The following SH3GL2 variants were observed in gnomAD, a reference collection of about 807,000 sequenced individuals.
SH3GL2 encodes the protein endophilin-A1.
In SH3GL2, 24 loss-of-function variants were observed where a neutral mutation model predicts 46.0. That is an observed-to-expected ratio of 0.52 (90% confidence interval 0.38 to 0.73). The LOEUF is 0.73. Ranked by LOEUF, SH3GL2 falls within the 30% of genes least tolerant of loss-of-function variation. The pLI, the probability that SH3GL2 is intolerant of heterozygous loss-of-function variation, is 0.00. For missense variants in SH3GL2, 413 were observed against 424.2 expected (o/e 0.97, Z 0.23); for synonymous variants, 196 against 147.1 (o/e 1.33, Z -2.40).
intron 3 of SH3GL2, among the ~76,000 whole-genome samples, chr9:17,762,152 C>T (rs1337507887): frequency 6.6e-6 from 1 of 152,076 alleles, no homozygotes; most frequent in Non-Finnish European, 1.5e-5. Flanking sequence ...AAGCAGCCTA[C>T]CTGATAGACC....
rs1824265176 is a variant in SH3GL2 at position 17,795,965 on chromosome 9, C to G, written c.*222C>G. The G allele has an allele frequency of 3.7e-6, 2 of 544,736 alleles. No individual in the cohort carries two copies. Among genetic ancestry groups the G allele is most frequent in the Non-Finnish European group, 6.6e-6 (2 of 304,394 alleles). The allele number at this position is 544,736 out of a possible 1,614,324, so 33.7% of individuals were successfully genotyped here. On this transcript the variant is annotated 3_prime_UTR_variant, in exon 9 of 9. Coordinates refer to ENST00000380607, the MANE Select transcript of SH3GL2 (RefSeq NM_003026.5). The stretch of plus-strand genomic sequence containing the variant: ...GCGTGGCATGTGCTTTTTAAAACAT[C>G]ATCTGAGACCAGCCAGTAGTCACAG...
chr9:17,794,475 C>G (rs1824225174), intron 8 of SH3GL2, among the ~76,000 whole-genome samples: 1 of 152,186 alleles, frequency 6.6e-6, no homozygotes, highest in Admixed American at 6.5e-5. Context: ...GCTCCTGGAG[C>G]TGGCCACCAG....
At chr9:17,693,564 A>C (rs1246416374) in intron 1 of SH3GL2, among the ~76,000 whole-genome samples, 1 of 148,842 alleles carries the variant, frequency 6.7e-6, no homozygotes, top group African/African-American at 2.5e-5. Flanking sequence ...AAATATGGAC[A>C]CACACATACA....
At chr9:17,619,589 A>G (rs185797721) in intron 1 of SH3GL2, among the ~76,000 whole-genome samples, 1 of 152,188 alleles carries the variant, frequency 6.6e-6, no homozygotes, top group Admixed American at 6.5e-5. Context: ...GAGGCAGGAG[A>G]TTCGTTTGAA....
Position 17,622,342 on chromosome 9 carries a change from T to G in SH3GL2, c.45+43055T>G, listed in dbSNP as rs547540956. 2.0e-5 allele frequency among the ~76,000 whole-genome samples: 3 copies of G among 152,230 alleles called. No homozygotes were observed. The East Asian group carries it at 5.8e-4, about 29-fold the overall frequency. ...GCAGTGTCTAAATGGGAGGATAGCTTCCAATTTTTAGTCAGAAACCTGCCA... is the reference window on the plus strand; with the variant it reads ...GCAGTGTCTAAATGGGAGGATAGCTGCCAATTTTTAGTCAGAAACCTGCCA... On this transcript the variant is annotated intron_variant, in intron 1 of 8. Coordinates refer to ENST00000380607, the MANE Select transcript of SH3GL2 (RefSeq NM_003026.5).
rs148524419 is a variant in SH3GL2, at chr9:17,677,019, G to A, written c.46-70047G>A. On this transcript the variant is annotated intron_variant, in intron 1 of 8. Coordinates refer to ENST00000380607, the MANE Select transcript of SH3GL2 (RefSeq NM_003026.5). ...ACTGCAGAACTAGGTCTGCTCAGAG[G>A]AGATCATGGCCTGCCCTCATGGGAC... Among the ~76,000 whole-genome samples the A allele has an allele frequency of 9.6e-4, 146 of 152,234 alleles. No individual in the cohort carries two copies. The East Asian group carries it at 0.026, about 27-fold the overall frequency.
At chr9:17,761,984 C>T (rs978129918) in intron 3 of SH3GL2, among the ~76,000 whole-genome samples, 1 of 152,114 alleles carries the variant, frequency 6.6e-6, no homozygotes, top group African/African-American at 2.4e-5. Context: ...TGATTCTTCT[C>T]CAAGCACATC....
At chr9:17,662,058 C>A (rs1820230629) in intron 1 of SH3GL2, among the ~76,000 whole-genome samples, 1 of 152,028 alleles carries the variant, frequency 6.6e-6, no homozygotes, top group African/African-American at 2.4e-5. Context: ...TAAAAATGAC[C>A]CTTAACTGTC....
chr9:17,703,115 C>A (rs1290677749), intron 1 of SH3GL2, among the ~76,000 whole-genome samples: 4 of 151,978 alleles, frequency 2.6e-5, no homozygotes, highest in African/African-American at 9.7e-5. Flanking sequence ...GAGGATTCAA[C>A]AGAGATGAAA....
chr9:17,594,303 C>G (rs924028434), intron 1 of SH3GL2, among the ~76,000 whole-genome samples: 1 of 152,164 alleles, frequency 6.6e-6, no homozygotes, highest in East Asian at 1.9e-4. Flanking sequence ...AGCCTTCGCA[C>G]CATGCTCTTC....
intron 3 of SH3GL2, among the ~76,000 whole-genome samples, chr9:17,783,072 G>T (rs571163164): frequency 5.9e-5 from 9 of 152,128 alleles, no homozygotes; most frequent in Non-Finnish European, 1.3e-4. Flanking sequence ...AAGGAGGAAA[G>T]AAAGAATATT....
chr9:17,590,504 A>G (rs978543959), intron 1 of SH3GL2: 2 of 152,072 alleles, frequency 1.3e-5, no homozygotes, highest in East Asian at 1.9e-4. Context: ...TCTCTTTTCC[A>G]TTCATCTCAT....
intron 1 of SH3GL2, among the ~76,000 whole-genome samples, chr9:17,678,365 T>G (rs1242450989): frequency 1.3e-5 from 2 of 152,218 alleles, no homozygotes; most frequent in East Asian, 3.9e-4. Context: ...TGGTTTTGAT[T>G]TGCATTTCTC....
rs570856571 is a variant in SH3GL2 at position 17,763,603 on chromosome 9, C to T, written c.187+2094C>T. Among the ~76,000 whole-genome samples, 3 of 152,276 alleles carry T rather than the reference C, an allele frequency of 2.0e-5. No homozygotes were observed. The East Asian group carries it at 5.8e-4, about 29-fold the overall frequency. On this transcript the variant is annotated intron_variant, in intron 3 of 8. Coordinates refer to ENST00000380607, the MANE Select transcript of SH3GL2 (RefSeq NM_003026.5). Reference sequence around the variant, plus strand: ...AGCCTCCAGAGGGAACCAACTTTGCCGACACCTTGATTTCAGACTTCCGGT... The same window carrying T: ...AGCCTCCAGAGGGAACCAACTTTGCTGACACCTTGATTTCAGACTTCCGGT...
chr9:17,614,025 G>A (rs1013505172), intron 1 of SH3GL2, among the ~76,000 whole-genome samples: 2 of 151,876 alleles, frequency 1.3e-5, no homozygotes, highest in African/African-American at 2.4e-5. Flanking sequence ...TCCTTCTTTG[G>A]CGGGTCCACT....
chr9:17,684,974 C>T lies in SH3GL2; in HGVS notation c.46-62092C>T, dbSNP rs182754694. Among the ~76,000 whole-genome samples the T allele has an allele frequency of 7.9e-5, 12 of 152,216 alleles. No individual in the cohort carries two copies. The East Asian group carries it at 1.7e-3, about 22-fold the overall frequency. On this transcript the variant is annotated intron_variant, in intron 1 of 8. Transcript: ENST00000380607. Reference sequence around the variant, plus strand: ...TGAACTGACAACTGCGATAAATAAGCAGTGTGTCTTGATTTATGAATTTGT... The same window carrying T: ...TGAACTGACAACTGCGATAAATAAGTAGTGTGTCTTGATTTATGAATTTGT...
At chr9:17,773,246 C>G (rs10963266) in intron 3 of SH3GL2, among the ~76,000 whole-genome samples, 31,340 of 152,032 alleles carry the variant, frequency 0.21, 4,084 homozygotes, top group Non-Finnish European at 0.28. Flanking sequence ...AATATTTTCC[C>G]CCATTCTGTG....
chr9:17,652,305 A>T (rs970401807), intron 1 of SH3GL2, among the ~76,000 whole-genome samples: 4 of 151,770 alleles, frequency 2.6e-5, no homozygotes, highest in African/African-American at 9.7e-5. Flanking sequence ...TCTTCTTTAA[A>T]TCATTATTAT....
intron 8 of SH3GL2, among the ~76,000 whole-genome samples, chr9:17,793,958 G>A (rs1824204598): frequency 6.6e-6 from 1 of 152,244 alleles, no homozygotes; most frequent in South Asian, 2.1e-4. Context: ...ATGTGCTGAT[G>A]AGCTGGATTT....
Sources: allele counts gnomAD v4.1 joint callset (sites outside exome capture counted in the v4.1 genomes callset), GRCh38; gene constraint gnomAD v4.1.1; transcripts MANE v1.5; gene names NCBI Gene and HGNC (gene_info 2026-07-23, HGNC 2026-07-21).